Variants in ADGRG6 observed in about 807,000 individuals in gnomAD.
ADGRG6 encodes adhesion G protein-coupled receptor G6.
A neutral mutation model predicts 142.4 loss-of-function variants in ADGRG6; 84 were observed. The ratio of observed to expected loss-of-function variants is 0.59; its 90% CI spans 0.49 to 0.71. The LOEUF (loss-of-function observed/expected upper bound fraction) is 0.71, where lower values mean the gene tolerates loss of function less well. Among genes scored for constraint, ADGRG6 ranks in the 30% least tolerant of loss-of-function variants. The probability of loss-of-function intolerance (pLI) is 0.00; values close to 1 mark genes in which losing one functional copy is unlikely to be tolerated. For synonymous variants in ADGRG6, 521 were observed against 520.5 expected, an observed-to-expected ratio of 1.00 and a Z score of -0.01; for missense variants, 1,367 against 1,466.6, an observed-to-expected ratio of 0.93 and a Z score of 1.11.
chr6:142,384,857 G>T (rs1330700791), intron 6 of ADGRG6, among the ~76,000 whole-genome samples: 3 of 151,924 alleles, frequency 2.0e-5, no homozygotes, highest in African/African-American at 7.2e-5. Context: ...ATGAAACATA[G>T]ATATAAATTT....
In ADGRG6 at chr6:142,350,065, C is replaced by T. The variant is rs576437899; in HGVS notation, c.104-17504C>T. ...TTTGAAAAGCTTACAGACTTGATTG[C>T]ATAAGCAAGGTAATTTTTAAAAATG... On this transcript the variant is annotated intron_variant, in intron 2 of 24. Transcript: ENST00000367609. 4.8e-3 allele frequency among the ~76,000 whole-genome samples: 733 copies of T among 152,290 alleles called. 8 individuals carry two copies. The highest frequency in any genetic ancestry group is 0.017 in the African/African-American group (695 of 41,542).
chr6:142,438,330 C>G lies in ADGRG6; in HGVS notation c.3540C>G (p.Ser1180Arg). The change falls in exon 24 of 25, where the codon AGC (serine) becomes AGG (arginine). Residue 1180 changes from serine to arginine, a missense_variant. This residue lies in a region of ADGRG6 where 344 missense variants were observed against 348.7 expected (regional missense o/e 0.99). Transcript: ENST00000367609. ...STYLTSKSKSSSTTYFKRNSH... is the reference protein window; with the variant it reads ...STYLTSKSKSRSTTYFKRNSH... ...ATCTTACATCCAAATCTAAATCCAG[C>G]TCTACCACCTATTTCAAAAGGAATA... is the stretch of plus-strand genomic sequence containing the variant. 1 of 1,609,260 alleles carries G rather than the reference C, an allele frequency of 6.2e-7. No individual in the cohort carries two copies. Among genetic ancestry groups the G allele is most frequent in the East Asian group, 2.2e-5 (1 of 44,666 alleles).
intron 17 of ADGRG6, 62 bp downstream of exon 17, chr6:142,409,981 A>G (rs1161568941): frequency 1.4e-6 from 1 of 708,078 alleles, no homozygotes; most frequent in Non-Finnish European, 2.4e-6. Context: ...ACATTGTTAG[A>G]CACCCCCATT....
At chr6:142,331,461 A>G (rs1034962497) in intron 2 of ADGRG6, among the ~76,000 whole-genome samples, 1 of 152,128 alleles carries the variant, frequency 6.6e-6, no homozygotes, top group Non-Finnish European at 1.5e-5. Context: ...GTCTGTCGGT[A>G]TAATCATCAT....
intron 2 of ADGRG6, among the ~76,000 whole-genome samples, chr6:142,338,385 T>G (rs1295914934): frequency 6.6e-6 from 1 of 151,906 alleles, no homozygotes; most frequent in Non-Finnish European, 1.5e-5. Context: ...AGTTGTTTCT[T>G]AAACTATGTT....
chr6:142,417,549 C>CT (rs1292452439), intron 21 of ADGRG6, among the ~76,000 whole-genome samples, 180 bp downstream of exon 21: 1 of 152,146 alleles, frequency 6.6e-6, no homozygotes, highest in Non-Finnish European at 1.5e-5. Context: ...GTTTGAGACA[C>CT]TTTTTCATAT....
intron 21 of ADGRG6, among the ~76,000 whole-genome samples, 154 bp from the exon 22 acceptor site, chr6:142,419,667 T>C (rs905334172): frequency 2.6e-5 from 4 of 152,108 alleles, no homozygotes; most frequent in South Asian, 2.1e-4. Context: ...TATGAAGAGA[T>C]TGAAGAAGAA....
intron 4 of ADGRG6, among the ~76,000 whole-genome samples, chr6:142,374,398 T>C (rs144448875): frequency 5.9e-5 from 9 of 152,376 alleles, no homozygotes; most frequent in African/African-American, 2.2e-4. Flanking sequence ...TTTCCAATAT[T>C]AAACAATTAG....
intron 9 of ADGRG6, among the ~76,000 whole-genome samples, chr6:142,396,530 A>G (rs959538602): frequency 2.0e-5 from 3 of 152,174 alleles, no homozygotes; most frequent in African/African-American, 7.2e-5. Context: ...TAACACCACA[A>G]ATAAATTACT....
intron 11 of ADGRG6, 126 bp downstream of exon 11, chr6:142,400,722 G>T (rs1020606393): frequency 3.2e-6 from 2 of 632,146 alleles, no homozygotes; most frequent in Non-Finnish European, 5.8e-6. Context: ...CTCTGTGTAT[G>T]CCTGTATCAT....
intron 15 of ADGRG6, among the ~76,000 whole-genome samples, chr6:142,406,944 T>C (rs994926508): frequency 6.6e-6 from 1 of 152,134 alleles, no homozygotes; most frequent in African/African-American, 2.4e-5. Context: ...GGTTTAGCCC[T>C]GCACTCTTAG....
In ADGRG6 at chr6:142,417,465, AG is replaced by A. The variant is rs1776424800; in HGVS notation, c.3035+98del. On this transcript the variant is annotated intron_variant, in intron 21 of 24. Transcript: ENST00000367609. The stretch of plus-strand genomic sequence containing the variant: ...CCAATAACAAGGCTTTCATTTTAAA[AG>A]GTTGATGTTTATTCACATGACTGCC... 11 of 660,684 alleles carry A rather than the reference AG, an allele frequency of 1.7e-5. No individual in the cohort carries two copies. The South Asian group carries it at 2.0e-4, about 12-fold the overall frequency. The allele number at this position is 660,684 out of a possible 1,614,324, so 40.9% of individuals were successfully genotyped here.
At position 142,346,356 on chromosome 6, in the gene ADGRG6, A is replaced by T. The variant is rs898644064; in HGVS notation, c.104-21213A>T. Among the ~76,000 whole-genome samples the T allele has an allele frequency of 3.3e-5, 5 of 152,150 alleles. 1 individual carries two copies. The South Asian group carries it at 1.0e-3, about 32-fold the overall frequency. On this transcript the variant is annotated intron_variant, in intron 2 of 24. Transcript: ENST00000367609. ...TGATTGCCATTCTAACTTGCGTGAG[A>T]TGTTATCTCACTGTAGTTTTGATCT...
chr6:142,429,961 C>T (rs954488017), intron 22 of ADGRG6, among the ~76,000 whole-genome samples: 5 of 151,946 alleles, frequency 3.3e-5, no homozygotes, highest in South Asian at 2.1e-4. Flanking sequence ...TGAGGCAAAA[C>T]GATTGCTTGA....
Position 142,445,409 on chromosome 6 carries a change from A to G in ADGRG6, c.*1894A>G, listed in dbSNP as rs1777931895. The G allele has an allele frequency of 6.6e-6, 1 of 152,098 alleles. No homozygotes were observed. The highest frequency in any genetic ancestry group is 1.5e-5 in the Non-Finnish European group (1 of 67,998). The allele number at this position is 152,098 out of a possible 1,614,324, so 9.4% of individuals were successfully genotyped here. ...TCTTAGTCACTGAATATTCATATACATTTCCCCCAAAACCTTAGACATTCA... is the reference window on the plus strand; with the variant it reads ...TCTTAGTCACTGAATATTCATATACGTTTCCCCCAAAACCTTAGACATTCA... On this transcript the variant is annotated 3_prime_UTR_variant, in exon 25 of 25. Coordinates refer to ENST00000367609, the MANE Select transcript of ADGRG6 (RefSeq NM_198569.3).
rs1554234630 is a variant in ADGRG6, at chr6:142,338,027, T to TTGTTTTTTTTTTG, written c.103+28384_103+28385insGTTTTTTTTTTGT. ...ATGCCTTGTATCTTTGTTTTTTTTT[T>TTGTTTTTTTTTTG]TTTTTTTTTTTGAGACGGAGTCTCG... On this transcript the variant is annotated intron_variant, in intron 2 of 24. Transcript: ENST00000367609. 8.6e-5 allele frequency among the ~76,000 whole-genome samples: 5 copies of TTGTTTTTTTTTTG among 58,018 alleles called. 1 individual carries two copies. Among genetic ancestry groups the TTGTTTTTTTTTTG allele is most frequent in the Non-Finnish European group, 1.7e-4 (5 of 29,192 alleles). The allele number at this position is 58,018 out of a possible 152,430, so 38.1% of individuals were successfully genotyped here. A position where few individuals can be genotyped will look rare whatever the true frequency, so the allele number is the denominator to read the frequency against.
At position 142,443,755 on chromosome 6, in the gene ADGRG6, C is replaced by A; in HGVS notation, c.*240C>A. On this transcript the variant is annotated 3_prime_UTR_variant, in exon 25 of 25. Transcript: ENST00000367609. ...TAACATGACTCAGTAGCCACAGAAG[C>A]TATGATTTGTAAAATATATAATTGA... is the stretch of plus-strand genomic sequence containing the variant. The A allele has an allele frequency of 2.8e-6, 1 of 361,162 alleles. No homozygotes were observed. Among genetic ancestry groups the A allele is most frequent in the Non-Finnish European group, 5.0e-6 (1 of 201,304 alleles). The allele number at this position is 361,162 out of a possible 1,614,324, so 22.4% of individuals were successfully genotyped here. A position where few individuals can be genotyped will look rare whatever the true frequency, so the allele number is the denominator to read the frequency against.
At chr6:142,419,412 T>C (rs932632823) in intron 21 of ADGRG6, among the ~76,000 whole-genome samples, 8 of 152,148 alleles carry the variant, frequency 5.3e-5, no homozygotes, top group African/African-American at 1.9e-4. Flanking sequence ...TCCATATCAC[T>C]TTATAAAACG....
intron 22 of ADGRG6, among the ~76,000 whole-genome samples, chr6:142,434,465 C>T (rs1777380058): frequency 6.6e-6 from 1 of 151,966 alleles, no homozygotes; most frequent in African/African-American, 2.4e-5. Context: ...GCTAGGATTA[C>T]AGGTGCCAAC....
Sources: allele counts gnomAD v4.1 joint callset (sites outside exome capture counted in the v4.1 genomes callset), GRCh38; gene constraint gnomAD v4.1.1; regional missense constraint gnomAD v4.1.1; transcripts MANE v1.5; gene names NCBI Gene and HGNC (gene_info 2026-07-23, HGNC 2026-07-21).